GLB1: variants seen among roughly 807,000 people sequenced by gnomAD.
The protein encoded by GLB1 is galactosidase beta 1, also known as beta-galactosidase.
Under a neutral mutation model 74.0 loss-of-function variants are expected in GLB1, and 56 were observed. That is an observed-to-expected ratio of 0.76 (90% CI 0.61 to 0.94). The LOEUF is 0.94. Ranked by LOEUF, GLB1 falls within the 40% of genes least tolerant of loss-of-function variation. GLB1 has a pLI of 0.00. For missense variants in GLB1, 787 were observed against 845.5 expected (o/e 0.93, Z 0.86); for synonymous variants, 323 against 323.6 (o/e 1.00, Z 0.02).
At position 33,092,970 on chromosome 3, in the gene GLB1, G is replaced by A. The variant is rs1380850859; in HGVS notation, c.75+4041C>T. ...CACCTGGTAGAGACCAGCAAAGAAGGGATTCAGGAGATAGGCTGCTACGTT... is the reference window on the plus strand; with the variant it reads ...CACCTGGTAGAGACCAGCAAAGAAGAGATTCAGGAGATAGGCTGCTACGTT... On this transcript the variant is annotated intron_variant, in intron 1 of 15. Transcript: ENST00000307363. 2.5e-6 allele frequency: 4 copies of A among 1,614,088 alleles called. No homozygotes were observed. The African/African-American group carries it at 5.3e-5, about 22-fold the overall frequency.
intron 10 of GLB1, among the ~76,000 whole-genome samples, chr3:33,031,582 T>C (rs1309747639): frequency 3.4e-5 from 4 of 116,238 alleles, no homozygotes; most frequent in African/African-American, 1.4e-4. Context: ...AGGTGGAAGT[T>C]GCCTGGGTGA....
the GLB1 span, among the ~76,000 whole-genome samples, chr3:32,976,324 C>T: frequency 6.6e-6 from 1 of 152,180 alleles, no homozygotes; most frequent in Non-Finnish European, 1.5e-5. Flanking sequence ...TTTCTGCTTC[C>T]TGCTGCTCAA....
At position 32,997,289 on chromosome 3, in the gene GLB1, G is replaced by C; in HGVS notation, c.1790C>G (p.Pro597Arg). The change falls in exon 16 of 16, where the codon CCT becomes CGT. Residue 597 changes from proline (P) to arginine (R), a missense_variant. By Grantham distance (103) the Pro-to-Arg change is moderately radical (BLOSUM62 -2). Coordinates refer to ENST00000307363, the MANE Select transcript of GLB1 (RefSeq NM_000404.4). Reference sequence around the variant, plus strand: ...CTGGGGCACAAACAAGGTCAACTGAGGGCCCCGGGCTGGCCAATAGCGGCC... The same window carrying C: ...CTGGGGCACAAACAAGGTCAACTGACGGCCCCGGGCTGGCCAATAGCGGCC... Reference protein sequence around the residue: ...NLGRYWPARGPQLTLFVPQHI... With the variant: ...NLGRYWPARGRQLTLFVPQHI... The C allele has an allele frequency of 6.2e-7, 1 of 1,614,134 alleles. No individual in the cohort carries two copies. Among genetic ancestry groups the C allele is most frequent in the South Asian group, 1.1e-5 (1 of 91,078 alleles).
intron 15 of GLB1, among the ~76,000 whole-genome samples, chr3:33,003,558 G>A (rs1198401580): frequency 1.3e-5 from 2 of 152,182 alleles, no homozygotes; most frequent in Non-Finnish European, 2.9e-5. Context: ...TTGTGCAACT[G>A]GAAACAGTGA....
intron 10 of GLB1, among the ~76,000 whole-genome samples, chr3:33,041,701 T>G (rs1437724570): frequency 2.7e-5 from 4 of 150,318 alleles, no homozygotes; most frequent in African/African-American, 9.8e-5. Flanking sequence ...AAAAACTGCA[T>G]TTTGAAAATG....
chr3:33,045,298 A>C (rs1559397857), intron 10 of GLB1: 1 of 914,802 alleles, frequency 1.1e-6, no homozygotes, highest in African/African-American at 1.8e-5. Flanking sequence ...TGACTATGAA[A>C]GAAGAAAACA....
intron 15 of GLB1, among the ~76,000 whole-genome samples, chr3:33,011,908 G>A (rs1366373225): frequency 2.0e-5 from 3 of 152,168 alleles, no homozygotes; most frequent in African/African-American, 7.2e-5. Flanking sequence ...GCTGGGAGAT[G>A]CTTCACTCCA....
Position 32,996,958 on chromosome 3 carries a change from C to T in GLB1, c.*87G>A, listed in dbSNP as rs1330930123. The stretch of plus-strand genomic sequence containing the variant: ...ATCCTAAATTCCTTTTCCATTTCCA[C>T]ATTCCAATCAGTGAAATGTGGCATG... On this transcript the variant is annotated 3_prime_UTR_variant, in exon 16 of 16. Transcript: ENST00000307363. 1.9e-6 allele frequency: 3 copies of T among 1,609,960 alleles called. No homozygotes were observed. The highest frequency in any genetic ancestry group is 2.5e-6 in the Non-Finnish European group (3 of 1,177,978).
Position 33,094,074 on chromosome 3 carries a change from C to T in GLB1, c.75+2937G>A, listed in dbSNP as rs761024470. 39 of 1,614,128 alleles carry T rather than the reference C, an allele frequency of 2.4e-5. No individual in the cohort carries two copies. The Admixed American group carries it at 2.7e-4, about 11-fold the overall frequency. ...GGCAAGCTGCAAGCGAAGCAGCCAA[C>T]GCCAGGCCCTGAGCTCAAGGCTCTC... is the stretch of plus-strand genomic sequence containing the variant. On this transcript the variant is annotated intron_variant, in intron 1 of 15. Coordinates refer to ENST00000307363, the MANE Select transcript of GLB1 (RefSeq NM_000404.4).
At chr3:33,033,181 C>T (rs745508455) in intron 10 of GLB1, among the ~76,000 whole-genome samples, 4 of 152,140 alleles carry the variant, frequency 2.6e-5, no homozygotes, top group Non-Finnish European at 4.4e-5. Context: ...CACCCAGCCC[C>T]GGAAGTACAT....
intron 1 of GLB1, among the ~76,000 whole-genome samples, chr3:33,084,628 C>A (rs1700438033): frequency 6.6e-6 from 1 of 152,198 alleles, no homozygotes; most frequent in African/African-American, 2.4e-5. Flanking sequence ...CAGCTTTAGA[C>A]TGATTCCCAA....
chr3:32,972,004 A>G, the GLB1 span, among the ~76,000 whole-genome samples: 3 of 152,236 alleles, frequency 2.0e-5, no homozygotes, highest in Non-Finnish European at 4.4e-5. Context: ...AAATAAAACT[A>G]GAAGAAGCAT....
the GLB1 span, among the ~76,000 whole-genome samples, chr3:32,972,445 T>C: frequency 6.6e-6 from 1 of 152,190 alleles, no homozygotes; most frequent in Admixed American, 6.5e-5. Context: ...TTGGTCCAGG[T>C]GGTCCCCAGA....
At chr3:33,045,409 A>C (rs1195672384) in intron 10 of GLB1, 1 of 985,220 alleles carries the variant, frequency 1.0e-6, no homozygotes, top group African/African-American at 1.7e-5. Context: ...AATTGGCTTA[A>C]GGTTGAAGAA....
At chr3:33,096,651 G>A (rs1701042032) in intron 1 of GLB1, 2 of 1,099,570 alleles carry the variant, frequency 1.8e-6, no homozygotes, top group Admixed American at 1.1e-4. Flanking sequence ...AGAGCCGGAG[G>A]CACCCTCTAA....
At chr3:32,972,243 A>G in the GLB1 span, among the ~76,000 whole-genome samples, 3 of 152,198 alleles carry the variant, frequency 2.0e-5, no homozygotes, top group African/African-American at 4.8e-5. Context: ...ATTTATTGGC[A>G]ATCCAAGCAA....
intron 10 of GLB1, among the ~76,000 whole-genome samples, chr3:33,043,202 T>C (rs372212138): frequency 6.6e-6 from 1 of 152,206 alleles, no homozygotes; most frequent in African/African-American, 2.4e-5. Flanking sequence ...GTGTATATTG[T>C]AGGAACTTGC....
chr3:33,009,749 C>T (rs1263836614), intron 15 of GLB1, among the ~76,000 whole-genome samples: 1 of 152,222 alleles, frequency 6.6e-6, no homozygotes, highest in African/African-American at 2.4e-5. Flanking sequence ...ATAGAAACCC[C>T]ATGCCCACTT....
intron 15 of GLB1, among the ~76,000 whole-genome samples, chr3:33,004,136 T>C (rs1449819447): frequency 1.3e-5 from 2 of 152,234 alleles, no homozygotes; most frequent in African/African-American, 4.8e-5. Context: ...AATCCTGACT[T>C]TGGCCTTAAG....
Sources: allele counts gnomAD v4.1 joint callset (sites outside exome capture counted in the v4.1 genomes callset), GRCh38; gene constraint gnomAD v4.1.1; transcripts MANE v1.5; gene names NCBI Gene and HGNC (gene_info 2026-07-23, HGNC 2026-07-21).